The following HEATR4 variants were observed in gnomAD, a reference collection of about 807,000 sequenced individuals.
The protein encoded by HEATR4 is HEAT repeat-containing protein 4.
HEATR4 carries 95 observed loss-of-function variants against 108.8 expected under a neutral mutation model. That is an observed-to-expected ratio of 0.87 (90% confidence interval 0.74 to 1.04). The LOEUF is 1.04. Among genes scored for constraint, HEATR4 ranks in the 50% least tolerant of loss-of-function variants. The pLI is 0.00. For missense variants in HEATR4, 1,152 were observed against 1,253.8 expected, an observed-to-expected ratio of 0.92 and a Z score of 1.23; for synonymous variants, 443 against 459.4, an observed-to-expected ratio of 0.96 and a Z score of 0.46.
the HEATR4 span, chr14:73,595,543 T>G: frequency 5.0e-6 from 8 of 1,609,052 alleles, no homozygotes; most frequent in Non-Finnish European, 6.8e-6. Context: ...TTATATGGGG[T>G]GGGGAGCCCA....
At chr14:73,540,246 C>T (rs1566850051) in intron 1 of HEATR4, among the ~76,000 whole-genome samples, 2 of 151,410 alleles carry the variant, frequency 1.3e-5, no homozygotes, top group African/African-American at 4.8e-5. Context: ...AGGCATATTC[C>T]TTATAAGAGG....
At chr14:73,544,706 G>A (rs1214745912) in intron 1 of HEATR4, among the ~76,000 whole-genome samples, 4 of 115,174 alleles carry the variant, frequency 3.5e-5, no homozygotes, top group Non-Finnish European at 7.6e-5. Flanking sequence ...GGAGGCCAAC[G>A]CTGGTGGATT....
the HEATR4 span, chr14:73,619,702 G>A: frequency 5.0e-6 from 8 of 1,614,182 alleles, no homozygotes; most frequent in Non-Finnish European, 6.8e-6. Flanking sequence ...TGTGCACGCT[G>A]TTTTGGGTGA....
the HEATR4 span, among the ~76,000 whole-genome samples, chr14:73,624,546 G>C: frequency 2.6e-5 from 4 of 152,244 alleles, no homozygotes; most frequent in African/African-American, 7.2e-5. Flanking sequence ...AGGCTACAGT[G>C]AACCATGATC....
chr14:73,619,235 T>A, the HEATR4 span: 68 of 1,553,654 alleles, frequency 4.4e-5, 1 homozygote, highest in Middle Eastern at 2.1e-3. Flanking sequence ...CCTCAACAGG[T>A]GAAAGGTCCT....
rs1251714234 is a variant in HEATR4 at position 73,492,914 on chromosome 14, C to G, written c.2844+152G>C. 1.2e-6 allele frequency: 2 copies of G among 1,613,688 alleles called. No individual in the cohort carries two copies. The highest frequency in any genetic ancestry group is 1.7e-6 in the Non-Finnish European group (2 of 1,179,798). On this transcript the variant is annotated intron_variant, in intron 17 of 17. Transcript: ENST00000553558. The surrounding 1 kb of genome is among the most constrained non-coding windows in gnomAD (Gnocchi z 4.9). Reference sequence around the variant, plus strand: ...CACGTTGTATGATAAGGGGCTGCTGCTCACTAAGATGCCTCTAGCCCTAAA... The same window carrying G: ...CACGTTGTATGATAAGGGGCTGCTGGTCACTAAGATGCCTCTAGCCCTAAA...
chr14:73,487,568 A>AAAACAAAC, intron 17 of HEATR4, among the ~76,000 whole-genome samples: 1 of 152,248 alleles, frequency 6.6e-6, no homozygotes, highest in African/African-American at 2.4e-5. Context: ...ACTCTATCTC[A>AAAACAAAC]AAACAAACAA....
chr14:73,569,284 T>C, the HEATR4 span: 1 of 1,613,920 alleles, frequency 6.2e-7, no homozygotes, highest in East Asian at 2.2e-5. Flanking sequence ...TCAGTTGTTC[T>C]CAGGTCTGAA....
the HEATR4 span, among the ~76,000 whole-genome samples, chr14:73,572,636 T>A: frequency 1.4e-5 from 1 of 69,294 alleles, no homozygotes; most frequent in Non-Finnish European, 2.5e-5. Flanking sequence ...GTAAGGTGTT[T>A]GCATTTTTTT....
In HEATR4 at chr14:73,557,746, G is replaced by A. The variant is rs1443295524; in HGVS notation, c.-152+1005C>T. Among the ~76,000 whole-genome samples, 2 of 67,768 alleles carry A rather than the reference G, an allele frequency of 3.0e-5. 1 individual carries two copies. 44.5% of individuals were successfully genotyped at this position (67,768 alleles called of 152,430 possible). A position where few individuals can be genotyped will look rare whatever the true frequency, so the allele number is the denominator to read the frequency against. ...CACTCTGTCACCCAAGCTGGAGTGC[G>A]GTGGCACAGTCATGGCTCACTGCAG... On this transcript the variant is annotated intron_variant, in intron 1 of 17. Transcript: ENST00000553558.
the HEATR4 span, among the ~76,000 whole-genome samples, chr14:73,632,226 T>C: frequency 6.6e-6 from 1 of 152,002 alleles, no homozygotes; most frequent in East Asian, 1.9e-4. Context: ...TCCTTCTGCC[T>C]CTGTCTCCCA....
At chr14:73,615,408 C>CAAAAAAAAAAAAAAAAAAA in the HEATR4 span, among the ~76,000 whole-genome samples, 1 of 51,162 alleles carries the variant, frequency 2.0e-5, no homozygotes, top group Non-Finnish European at 3.9e-5. Flanking sequence ...AAAAAAAAAA[C>CAAAAAAAAAAAAAAAAAAA]AAAAAACAAA....
At chr14:73,594,663 CATTGGA>C in the HEATR4 span, among the ~76,000 whole-genome samples, 1 of 149,918 alleles carries the variant, frequency 6.7e-6, no homozygotes, top group Admixed American at 6.7e-5. Flanking sequence ...AATGTTTTTG[CATTGGA>C]TAAGTTATTT....
the HEATR4 span, chr14:73,567,807 A>T: frequency 6.6e-6 from 1 of 152,030 alleles, no homozygotes; most frequent in African/African-American, 2.4e-5. Context: ...ACAACTCTGG[A>T]CCTGCTGCCT....
At chr14:73,500,146 C>T (rs573828462) in intron 12 of HEATR4, among the ~76,000 whole-genome samples, 3 of 152,242 alleles carry the variant, frequency 2.0e-5, no homozygotes, top group Middle Eastern at 3.4e-3. Context: ...AGGAGAATGG[C>T]GTGAACCTGG....
chr14:73,478,619 C>T lies in HEATR4; in HGVS notation c.3068G>A (p.Gly1023Asp), dbSNP rs1487560338. The part of the protein sequence containing the change: ...PIMSSPSGKK[G>D]AHL The stretch of plus-strand genomic sequence containing the variant: ...CAAGTGTTCAGCTTAGAGATGAGCA[C>T]CTTTCTTTCCAGAGGGAGAAGACAT... The change falls in exon 18 of 18, where the codon GGT becomes GAT. Residue 1023 changes from glycine (G) to aspartate (D), a missense_variant. By Grantham distance (94) the Gly-to-Asp change is moderately conservative. Transcript: ENST00000553558. 1 of 1,611,548 alleles carries T rather than the reference C, an allele frequency of 6.2e-7. No homozygotes were observed. The highest frequency in any genetic ancestry group is 1.7e-5 in the Admixed American group (1 of 59,944).
At chr14:73,562,606 T>C (rs1889545370), upstream of HEATR4, among the ~76,000 whole-genome samples, 1 of 151,968 alleles carries the variant, frequency 6.6e-6, no homozygotes, top group African/African-American at 2.4e-5. Flanking sequence ...CACTAAATTA[T>C]TTTCCTAGTA....
At chr14:73,569,363 G>A in the HEATR4 span, 3 of 1,613,978 alleles carry the variant, frequency 1.9e-6, no homozygotes, top group Admixed American at 1.7e-5. Flanking sequence ...TGAAGAGTTC[G>A]GCGCAGTTCC....
intron 7 of HEATR4, among the ~76,000 whole-genome samples, chr14:73,509,998 C>T (rs111232556): frequency 2.3e-4 from 34 of 150,490 alleles, no homozygotes; most frequent in African/African-American, 7.6e-4. Flanking sequence ...CTCAGCCTCC[C>T]GAGTAGCTGG....
Sources: gnomAD v4.1 joint callset for allele counts (sites outside exome capture counted in the v4.1 genomes callset) on GRCh38, gnomAD v4.1.1 for gene constraint, Gnocchi (gnomAD v3.1) non-coding constraint, MANE v1.5 for transcripts, NCBI Gene and HGNC (gene_info 2026-07-23, HGNC 2026-07-21) for gene names.